Variants in DOCK3 observed in about 807,000 individuals in gnomAD.
DOCK3 encodes dedicator of cytokinesis 3, also known as dedicator of cytokinesis protein 3.
DOCK3 carries 60 observed loss-of-function variants against 265.6 expected under a neutral mutation model. The ratio of observed to expected loss-of-function variants is 0.23; its 90% CI spans 0.18 to 0.28. The LOEUF is 0.28. Ranked by LOEUF, DOCK3 falls within the 10% of genes least tolerant of loss-of-function variation. DOCK3 has a pLI of 1.00. For synonymous variants in DOCK3, 881 were observed against 938.0 expected (o/e 0.94, Z 1.11); for missense variants, 1,981 against 2,594.3 (o/e 0.76, Z 5.14).
intron 5 of DOCK3, among the ~76,000 whole-genome samples, chr3:50,985,035 G>A (rs2108579924): frequency 6.6e-6 from 1 of 152,274 alleles, no homozygotes; most frequent in South Asian, 2.1e-4. Flanking sequence ...GGATGACTGT[G>A]TACCCATGTA....
chr3:51,031,857 A>C (rs2080062269), intron 5 of DOCK3, among the ~76,000 whole-genome samples: 1 of 152,222 alleles, frequency 6.6e-6, no homozygotes, highest in African/African-American at 2.4e-5. Flanking sequence ...CATAGCATTC[A>C]TTCCTTCCAG....
chr3:50,801,386 T>A (rs573838365), intron 2 of DOCK3, among the ~76,000 whole-genome samples: 16 of 152,044 alleles, frequency 1.1e-4, no homozygotes, highest in Admixed American at 2.0e-4. Context: ...CAGCAGGTAA[T>A]TGGAATGAGT....
chr3:50,789,385 T>C (rs558922972), intron 2 of DOCK3, among the ~76,000 whole-genome samples: 3 of 152,356 alleles, frequency 2.0e-5, no homozygotes, highest in African/African-American at 7.2e-5. Flanking sequence ...AGAGTTGTTT[T>C]GTGGCCTGTA....
intron 3 of DOCK3, among the ~76,000 whole-genome samples, chr3:50,854,591 A>ATTTTTTTTTT (rs1559726991): frequency 9.3e-4 from 4 of 4,320 alleles, no homozygotes; most frequent in African/African-American, 1.3e-3. Flanking sequence ...CCATCACACC[A>ATTTTTTTTTT]GTTTTTTTTT....
intron 33 of DOCK3, 143 bp from the exon 34 acceptor site, chr3:51,332,858 T>G: frequency 1.0e-6 from 1 of 953,108 alleles, no homozygotes; most frequent in Non-Finnish European, 1.6e-6. Context: ...AGTGTATGCC[T>G]AAGGTGGCTG....
At chr3:50,866,713 C>T (rs2047163389) in intron 3 of DOCK3, among the ~76,000 whole-genome samples, 1 of 152,076 alleles carries the variant, frequency 6.6e-6, no homozygotes, top group South Asian at 2.1e-4. Flanking sequence ...ATGTTCTGGG[C>T]ACCTTTGTTG....
At chr3:50,828,363 T>C (rs1244818962) in intron 2 of DOCK3, among the ~76,000 whole-genome samples, 1 of 152,188 alleles carries the variant, frequency 6.6e-6, no homozygotes, top group East Asian at 1.9e-4. Context: ...ATTTTACTTC[T>C]GTCTACATTC....
chr3:50,817,755 C>T (rs1268004735), intron 2 of DOCK3, among the ~76,000 whole-genome samples: 2 of 151,750 alleles, frequency 1.3e-5, no homozygotes, highest in African/African-American at 4.8e-5. Context: ...TCTTCCTCAA[C>T]TCTTTCTGTT....
chr3:51,133,534 G>A (rs547379390), intron 9 of DOCK3, among the ~76,000 whole-genome samples: 2 of 152,034 alleles, frequency 1.3e-5, no homozygotes, highest in African/African-American at 4.8e-5. Flanking sequence ...TGGTGTATAT[G>A]TGCCACATTT....
At chr3:51,216,864 C>T (rs79567136) in intron 14 of DOCK3, among the ~76,000 whole-genome samples, 4,399 of 152,232 alleles carry the variant, frequency 0.029, 525 homozygotes, top group East Asian at 0.2. Context: ...ACATCTCTAC[C>T]TGCAGCTAGT....
rs2080742504 is a variant in DOCK3 at position 51,275,152 on chromosome 3, A to G, written c.2622A>G (p.Leu874=). 2 of 1,613,976 alleles carry G rather than the reference A, an allele frequency of 1.2e-6. 1 individual carries two copies. Among genetic ancestry groups the G allele is most frequent in the South Asian group, 2.2e-5 (2 of 91,082 alleles). ...ACCTGAGGCAGCAGAAAGAGCTGCT[A>G]ATTTGCTCAGGGATTCTTGGCAGCA... The part of the protein sequence containing the change: ...HLHLRQQKEL[L]ICSGILGSIF... The change falls in exon 25 of 53, where the codon CTA becomes CTG. Residue 874 remains leucine, a synonymous_variant. Coordinates refer to ENST00000266037, the MANE Select transcript of DOCK3 (RefSeq NM_004947.5).
chr3:51,054,404 C>T (rs1050258328), intron 5 of DOCK3, among the ~76,000 whole-genome samples: 1 of 152,100 alleles, frequency 6.6e-6, no homozygotes, highest in Non-Finnish European at 1.5e-5. Context: ...AGTAGTATCT[C>T]TTTGCCCCAG....
At chr3:51,091,025 A>G (rs1576036645) in intron 9 of DOCK3, among the ~76,000 whole-genome samples, 1 of 152,354 alleles carries the variant, frequency 6.6e-6, no homozygotes, top group South Asian at 2.1e-4. Flanking sequence ...TATGCCCCAC[A>G]GTGCCTCTGA....
At chr3:51,276,712 AG>A (rs2080838426) in intron 25 of DOCK3, among the ~76,000 whole-genome samples, 1 of 152,208 alleles carries the variant, frequency 6.6e-6, no homozygotes, top group South Asian at 2.1e-4. Context: ...CTATATATTC[AG>A]GTTCTCAAAC....
chr3:51,184,387 G>A (rs1026810466), intron 12 of DOCK3, among the ~76,000 whole-genome samples: 1 of 151,772 alleles, frequency 6.6e-6, no homozygotes, highest in African/African-American at 2.4e-5. Context: ...ACTAGAGTAG[G>A]TAATATACAA....
chr3:50,861,326 C>G (rs1431338285), intron 3 of DOCK3, among the ~76,000 whole-genome samples: 3 of 152,188 alleles, frequency 2.0e-5, no homozygotes, highest in Non-Finnish European at 2.9e-5. Flanking sequence ...CTAGCTTCTT[C>G]TAGTCAGCCA....
chr3:51,164,940 C>CTTT lies in DOCK3; in HGVS notation c.1037+4255_1037+4257dup, dbSNP rs66495824. Among the ~76,000 whole-genome samples the CTTT allele has an allele frequency of 1.4e-3, 150 of 106,870 alleles. 2 individuals carry two copies. Among genetic ancestry groups the CTTT allele is most frequent in the South Asian group, 2.4e-3 (7 of 2,966 alleles). 70.1% of individuals were successfully genotyped at this position (106,870 alleles called of 152,430 possible). ...GTCTTAAGAGTACTTGTTTAGGAGC[C>CTTT]TTTTTTTTTTTTTTTTTTTGAGACG... On this transcript the variant is annotated intron_variant, in intron 12 of 52. Coordinates refer to ENST00000266037, the MANE Select transcript of DOCK3 (RefSeq NM_004947.5).
At chr3:51,185,650 C>T (rs1011280491) in intron 12 of DOCK3, among the ~76,000 whole-genome samples, 1 of 152,134 alleles carries the variant, frequency 6.6e-6, no homozygotes, top group Non-Finnish European at 1.5e-5. Context: ...CATCTTGTAG[C>T]TCCCATAATT....
chr3:50,731,338 A>G (rs991126257), intron 1 of DOCK3, among the ~76,000 whole-genome samples: 3 of 152,178 alleles, frequency 2.0e-5, no homozygotes, highest in Admixed American at 2.0e-4. Context: ...GTTCAAGTCC[A>G]TAGAATATAC....
Sources: gnomAD v4.1 joint callset for allele counts (sites outside exome capture counted in the v4.1 genomes callset) on GRCh38, gnomAD v4.1.1 for gene constraint, MANE v1.5 for transcripts, NCBI Gene and HGNC (gene_info 2026-07-23, HGNC 2026-07-21) for gene names.